The following CSNK2A2IP variants were observed in gnomAD, a reference collection of about 807,000 sequenced individuals.
CSNK2A2IP encodes casein kinase II subunit alpha'-interacting protein.
At chr3:88,350,724 T>C in the CSNK2A2IP span, among the ~76,000 whole-genome samples, 3,877 of 151,676 alleles carry the variant, frequency 0.026, 104 homozygotes, top group East Asian at 0.074. Context: ...AAAATAAACA[T>C]AAAGAAACCA....
At chr3:88,435,641 C>G in the CSNK2A2IP span, among the ~76,000 whole-genome samples, 1 of 152,112 alleles carries the variant, frequency 6.6e-6, no homozygotes, top group Non-Finnish European at 1.5e-5. Flanking sequence ...TTTTCTATTA[C>G]TTGCGGCCTT....
chr3:88,377,029 G>A, the CSNK2A2IP span, among the ~76,000 whole-genome samples: 1 of 151,738 alleles, frequency 6.6e-6, no homozygotes, highest in African/African-American at 2.4e-5. Context: ...AAAAGAAGGC[G>A]TTCCTTAAAA....
At chr3:88,357,672 G>A in the CSNK2A2IP span, among the ~76,000 whole-genome samples, 1 of 152,054 alleles carries the variant, frequency 6.6e-6, no homozygotes, top group African/African-American at 2.4e-5. Flanking sequence ...TCTTTGGGTA[G>A]TATGGACAAT....
At chr3:88,363,226 T>A in the CSNK2A2IP span, among the ~76,000 whole-genome samples, 1 of 152,216 alleles carries the variant, frequency 6.6e-6, no homozygotes, top group African/African-American at 2.4e-5. Flanking sequence ...AACATTTAGA[T>A]GCTCTTTAAT....
the CSNK2A2IP span, among the ~76,000 whole-genome samples, chr3:88,368,351 T>C: frequency 6.6e-6 from 1 of 151,946 alleles, no homozygotes; most frequent in Non-Finnish European, 1.5e-5. Context: ...TAATGATAAG[T>C]TCAAAATAGA....
chr3:88,356,166 T>C, the CSNK2A2IP span, among the ~76,000 whole-genome samples: 1 of 152,182 alleles, frequency 6.6e-6, no homozygotes, highest in Admixed American at 6.6e-5. Context: ...CTCCTTATCA[T>C]GCTACTGAAC....
At chr3:88,346,487 G>A in the CSNK2A2IP span, among the ~76,000 whole-genome samples, 1 of 151,928 alleles carries the variant, frequency 6.6e-6, no homozygotes, top group Non-Finnish European at 1.5e-5. Context: ...GACCTTCGGT[G>A]GAGCCAGGGA....
At chr3:88,417,624 G>T in the CSNK2A2IP span, among the ~76,000 whole-genome samples, 830 of 152,248 alleles carry the variant, frequency 5.5e-3, 10 homozygotes, top group African/African-American at 0.019. Context: ...AGTATGACAG[G>T]CAATCTAAAC....
At chr3:88,366,857 G>A in the CSNK2A2IP span, among the ~76,000 whole-genome samples, 1 of 152,094 alleles carries the variant, frequency 6.6e-6, no homozygotes, top group Non-Finnish European at 1.5e-5. Context: ...ACATGGCTGG[G>A]GAGGCCTCAC....
chr3:88,436,981 T>C, the CSNK2A2IP span, among the ~76,000 whole-genome samples: 3 of 152,166 alleles, frequency 2.0e-5, no homozygotes, highest in Non-Finnish European at 4.4e-5. Flanking sequence ...AAATTCTTAG[T>C]GTTCATGACT....
the CSNK2A2IP span, among the ~76,000 whole-genome samples, chr3:88,443,595 G>A: frequency 3.9e-5 from 6 of 152,126 alleles, no homozygotes; most frequent in African/African-American, 1.4e-4. Context: ...ACAGAAATTA[G>A]ATGGCCTTTT....
chr3:88,349,739 A>G, the CSNK2A2IP span, among the ~76,000 whole-genome samples: 1 of 152,036 alleles, frequency 6.6e-6, no homozygotes, highest in Non-Finnish European at 1.5e-5. Flanking sequence ...TTACTAATTT[A>G]TGTTTCGACC....
chr3:88,397,699 TATA>T, the CSNK2A2IP span, among the ~76,000 whole-genome samples: 1 of 152,038 alleles, frequency 6.6e-6, no homozygotes, highest in Non-Finnish European at 1.5e-5. Flanking sequence ...GTTTAGCATA[TATA>T]ATATTATTGT....
the CSNK2A2IP span, among the ~76,000 whole-genome samples, chr3:88,410,082 T>C: frequency 6.6e-6 from 1 of 152,168 alleles, no homozygotes; most frequent in East Asian, 1.9e-4. Context: ...AAGTCTTCAA[T>C]AGAAAGATTC....
the CSNK2A2IP span, among the ~76,000 whole-genome samples, chr3:88,415,644 C>G: frequency 6.6e-6 from 1 of 151,980 alleles, no homozygotes; most frequent in African/African-American, 2.4e-5. Flanking sequence ...CTGTGCCAAA[C>G]TTTAAATTAT....
chr3:88,345,987 C>A, the CSNK2A2IP span, among the ~76,000 whole-genome samples: 1 of 138,910 alleles, frequency 7.2e-6, no homozygotes, highest in Admixed American at 7.2e-5. Context: ...AAGTGATACT[C>A]CAATGACTAC....
the CSNK2A2IP span, among the ~76,000 whole-genome samples, chr3:88,348,316 T>C: frequency 6.6e-6 from 1 of 152,018 alleles, no homozygotes; most frequent in Admixed American, 6.6e-5. Context: ...TGTAACAAAT[T>C]GTGTTACTCT....
chr3:88,457,162 T>C, the CSNK2A2IP span, among the ~76,000 whole-genome samples: 2 of 152,176 alleles, frequency 1.3e-5, no homozygotes, highest in Non-Finnish European at 2.9e-5. Context: ...AGGTTTAAAT[T>C]TCTCCAATCT....
the CSNK2A2IP span, among the ~76,000 whole-genome samples, chr3:88,383,321 C>A: frequency 3.3e-5 from 5 of 152,198 alleles, no homozygotes; most frequent in African/African-American, 1.2e-4. Context: ...TAAAATCCAT[C>A]GTTCACTGTT....
Sources: gnomAD v4.1 joint callset for allele counts (sites outside exome capture counted in the v4.1 genomes callset) on GRCh38, gnomAD v4.1.1 for gene constraint, MANE v1.5 for transcripts, NCBI Gene and HGNC (gene_info 2026-07-23, HGNC 2026-07-21) for gene names.